GRIP2: variants seen among roughly 807,000 people sequenced by gnomAD.
The protein encoded by GRIP2 is glutamate receptor interacting protein 2.
In GRIP2, 58 loss-of-function variants were observed where a neutral mutation model predicts 108.3. The ratio of observed to expected loss-of-function variants is 0.54; its 90% CI spans 0.43 to 0.67. The LOEUF is 0.67. Among genes scored for constraint, GRIP2 ranks in the 30% least tolerant of loss-of-function variants. The pLI, the probability that GRIP2 is intolerant of heterozygous loss-of-function variation, is 0.00. For missense variants in GRIP2, 1,278 were observed against 1,430.6 expected (o/e 0.89, Z 1.72); for synonymous variants, 586 against 598.2 (o/e 0.98, Z 0.30).
chr3:14,521,818 C>T lies in GRIP2; in HGVS notation c.567-31G>A. On this transcript the variant is annotated intron_variant, in intron 6 of 23. Transcript: ENST00000621039. This position sits in a 1 kb window ranked among gnomAD's most constrained non-coding sequence, Gnocchi z 5.1. ...GGGAAGGGCCAGTCACCAGCCTGGC[C>T]CGGCAGCAGCACTGGGCACAGCCTG... The T allele has an allele frequency of 7.1e-6, 11 of 1,545,932 alleles. No individual in the cohort carries two copies. The highest frequency in any genetic ancestry group is 8.7e-6 in the Non-Finnish European group (10 of 1,146,278).
chr3:14,583,293 G>A, the GRIP2 span, among the ~76,000 whole-genome samples: 927 of 152,254 alleles, frequency 6.1e-3, 6 homozygotes, highest in African/African-American at 0.017. Flanking sequence ...TGCATGAACC[G>A]GATGCAGGGC....
chr3:14,525,370 C>A (rs1559345610), intron 3 of GRIP2, 67 bp downstream of exon 3: 4 of 1,571,944 alleles, frequency 2.5e-6, no homozygotes, highest in African/African-American at 2.7e-5. Flanking sequence ...ACATTTTCCA[C>A]TGGCCCTGGG....
rs1701289237 is a variant in GRIP2, at chr3:14,489,828, G to C, written c.*3837C>G. ...AAGCGGGTGGCGGAGTGGGGGAAAGGGTAGAGGGGGAGCAAACCTGATTGC... is the reference window on the plus strand; with the variant it reads ...AAGCGGGTGGCGGAGTGGGGGAAAGCGTAGAGGGGGAGCAAACCTGATTGC... On this transcript the variant is annotated 3_prime_UTR_variant, in exon 24 of 24. Transcript: ENST00000621039. 6.6e-6 allele frequency: 1 copy of C among 152,152 alleles called. No individual in the cohort carries two copies. Among genetic ancestry groups the C allele is most frequent in the African/African-American group, 2.4e-5 (1 of 41,398 alleles). 9.4% of individuals were successfully genotyped at this position (152,152 alleles called of 1,614,324 possible).
chr3:14,521,420 G>A lies in GRIP2; in HGVS notation c.712+222C>T. 1.9e-6 allele frequency: 1 copy of A among 521,682 alleles called. No homozygotes were observed. Among genetic ancestry groups the A allele is most frequent in the South Asian group, 3.3e-5 (1 of 30,676 alleles). 32.3% of individuals were successfully genotyped at this position (521,682 alleles called of 1,614,324 possible). On this transcript the variant is annotated intron_variant, in intron 7 of 23. Transcript: ENST00000621039. This position sits in a 1 kb window ranked among gnomAD's most constrained non-coding sequence, Gnocchi z 5.1. The stretch of plus-strand genomic sequence containing the variant: ...CTGTCCTCTCTCCACCAGAATGCCA[G>A]CTCCATGAGAACAGACACCTCAATT...
At chr3:14,553,697 G>A (rs1208909317) in intron 1 of GRIP2, among the ~76,000 whole-genome samples, 1 of 152,142 alleles carries the variant, frequency 6.6e-6, no homozygotes, top group Non-Finnish European at 1.5e-5. Flanking sequence ...AAATAATATA[G>A]GCTGGAAATG....
At chr3:14,581,337 AC>A in the GRIP2 span, among the ~76,000 whole-genome samples, 1 of 151,942 alleles carries the variant, frequency 6.6e-6, no homozygotes, top group Non-Finnish European at 1.5e-5. Context: ...CCCCTCCCTT[AC>A]CCCCTGTCCA....
At chr3:14,541,687 T>C (rs13062253), upstream of GRIP2, among the ~76,000 whole-genome samples, 77,820 of 152,084 alleles carry the variant, frequency 0.51, 20,566 homozygotes, top group South Asian at 0.67. Flanking sequence ...GCCTTCCTCT[T>C]TGGGCAACTT....
At chr3:14,516,511 T>C (rs1367396004) in intron 11 of GRIP2, among the ~76,000 whole-genome samples, 1 of 152,256 alleles carries the variant, frequency 6.6e-6, no homozygotes, top group Non-Finnish European at 1.5e-5. Context: ...TACTTTTGTC[T>C]TCTATTGATT....
the GRIP2 span, among the ~76,000 whole-genome samples, chr3:14,565,866 C>T: frequency 2.9e-4 from 44 of 152,326 alleles, no homozygotes; most frequent in East Asian, 7.7e-3. Context: ...GCACAGCCCC[C>T]ATCCTGCCAT....
chr3:14,492,682 G>C lies in GRIP2; in HGVS notation c.*983C>G, dbSNP rs897786105. The C allele has an allele frequency of 1.3e-5, 2 of 152,238 alleles. No homozygotes were observed. Among genetic ancestry groups the C allele is most frequent in the African/African-American group, 4.8e-5 (2 of 41,432 alleles). 9.4% of individuals were successfully genotyped at this position (152,238 alleles called of 1,614,324 possible). On this transcript the variant is annotated 3_prime_UTR_variant, in exon 24 of 24. Coordinates refer to ENST00000621039, the MANE Select transcript of GRIP2 (RefSeq NM_001080423.4). ...AGCGCTACCGCCTCACAGGTCCTGCGTCCATCGCTTTTCAATTTTCACTGG... is the reference window on the plus strand; with the variant it reads ...AGCGCTACCGCCTCACAGGTCCTGCCTCCATCGCTTTTCAATTTTCACTGG...
At chr3:14,529,544 T>C (rs1217033432) in intron 1 of GRIP2, among the ~76,000 whole-genome samples, 2 of 152,232 alleles carry the variant, frequency 1.3e-5, no homozygotes, top group Non-Finnish European at 2.9e-5. Flanking sequence ...ATTAGTCTAA[T>C]ACCCATTCCA....
intron 22 of GRIP2, 45 bp from the exon 23 acceptor site, chr3:14,495,034 C>A: frequency 1.2e-6 from 2 of 1,602,746 alleles, no homozygotes; most frequent in African/African-American, 2.7e-5. Context: ...CTGACCTTTG[C>A]CCCCAGCCTC....
chr3:14,593,849 C>G, the GRIP2 span, among the ~76,000 whole-genome samples: 1 of 152,184 alleles, frequency 6.6e-6, no homozygotes, highest in East Asian at 1.9e-4. Flanking sequence ...GACACCCCCA[C>G]CCAGGCCCAA....
intron 17 of GRIP2, among the ~76,000 whole-genome samples, chr3:14,508,767 G>A (rs555510099): frequency 1.1e-4 from 16 of 152,176 alleles, no homozygotes; most frequent in African/African-American, 3.9e-4. Context: ...AAGAATATAA[G>A]ACATGTTCTT....
At chr3:14,541,951 G>A (rs754080753), upstream of GRIP2, 12 of 1,349,014 alleles carry the variant, frequency 8.9e-6, no homozygotes, top group South Asian at 1.3e-4. Context: ...AGGGCACAGA[G>A]GCCACTCTGG....
chr3:14,568,154 C>G, the GRIP2 span, among the ~76,000 whole-genome samples: 1 of 152,004 alleles, frequency 6.6e-6, no homozygotes, highest in Admixed American at 6.5e-5. Flanking sequence ...GAGGTGGGAG[C>G]CATGGGAGGG....
In GRIP2 at chr3:14,552,630, CTCTCTTTTT is replaced by C. The variant is rs1695168849; in HGVS notation, c.55+3261_55+3269del. 2.8e-4 allele frequency among the ~76,000 whole-genome samples: 28 copies of C among 100,624 alleles called. No individual in the cohort carries two copies. The South Asian group carries it at 0.012, about 43-fold the overall frequency. The allele number at this position is 100,624 out of a possible 152,430, so 66.0% of individuals were successfully genotyped here. On this transcript the variant is annotated intron_variant, in intron 1 of 23. Transcript: ENST00000637182. Reference sequence around the variant, plus strand: ...CTTATTCTTTTCTTTCTCTCTCTCTCTCTCTTTTTTTTTTTTTTTTGGCACAGTCTTGGC... The same window carrying C: ...CTTATTCTTTTCTTTCTCTCTCTCTCTTTTTTTTTTTGGCACAGTCTTGGC...
In GRIP2 at chr3:14,505,681, G is replaced by T. The variant is rs769314002; in HGVS notation, c.2507C>A (p.Thr836Asn). The change falls in exon 20 of 24, where the codon ACC becomes AAC. Residue 836 changes from threonine (T) to asparagine (N), a missense_variant. Thr to Asn is a moderately conservative substitution (Grantham distance 65, BLOSUM62 0). Coordinates refer to ENST00000621039, the MANE Select transcript of GRIP2 (RefSeq NM_001080423.4). The surrounding 1 kb of genome is among the most constrained non-coding windows in gnomAD (Gnocchi z 4.2). The part of the protein sequence containing the change: ...PPTEPRRTSY[T>N]PTPADESFPE... The stretch of plus-strand genomic sequence containing the variant: ...AAAGCTCTCGTCAGCTGGGGTTGGG[G>T]TATAGCTCGTCCTCCGGGGCTCGGT... The T allele has an allele frequency of 6.2e-7, 1 of 1,605,742 alleles. No homozygotes were observed. Among genetic ancestry groups the T allele is most frequent in the South Asian group, 1.1e-5 (1 of 89,482 alleles).
At chr3:14,556,197 T>C (rs1386297717), upstream of GRIP2, 1 of 388,044 alleles carries the variant, frequency 2.6e-6, no homozygotes, top group East Asian at 3.7e-5. Flanking sequence ...TGCCGGATGT[T>C]CTAGCCTCTG....
Sources: allele counts gnomAD v4.1 joint callset (sites outside exome capture counted in the v4.1 genomes callset), GRCh38; gene constraint gnomAD v4.1.1; non-coding constraint Gnocchi (gnomAD v3.1); transcripts MANE v1.5; gene names NCBI Gene and HGNC (gene_info 2026-07-23, HGNC 2026-07-21).